SLC5A3: variants seen among roughly 807,000 people sequenced by gnomAD.
SLC5A3 encodes solute carrier family 5 member 3.
SLC5A3 carries 10 observed loss-of-function variants against 43.2 expected under a neutral mutation model. The ratio of observed to expected loss-of-function variants is 0.23; its 90% CI spans 0.14 to 0.39. SLC5A3 has a LOEUF of 0.39. Among genes scored for constraint, SLC5A3 ranks in the 10% least tolerant of loss-of-function variants. The pLI is 1.00. For synonymous variants in SLC5A3, 349 were observed against 322.0 expected, an observed-to-expected ratio of 1.08 and a Z score of -0.90; for missense variants, 608 against 893.4, an observed-to-expected ratio of 0.68 and a Z score of 4.07.
At chr21:34,092,128 A>ATC (rs1556004192) in intron 1 of SLC5A3, among the ~76,000 whole-genome samples, 1 of 130,910 alleles carries the variant, frequency 7.6e-6, no homozygotes, top group Non-Finnish European at 1.7e-5. Context: ...AGAAAAACAT[A>ATC]TATATATATA....
Position 34,102,133 on chromosome 21 carries a change from T to C in SLC5A3, c.*4778T>C, listed in dbSNP as rs190753969. 6 of 1,000,216 alleles carry C rather than the reference T, an allele frequency of 6.0e-6. No homozygotes were observed. The highest frequency in any genetic ancestry group is 7.2e-6 in the Non-Finnish European group (6 of 829,936). 62.0% of individuals were successfully genotyped at this position (1,000,216 alleles called of 1,614,324 possible). A position where few individuals can be genotyped will look rare whatever the true frequency, so the allele number is the denominator to read the frequency against. On this transcript the variant is annotated 3_prime_UTR_variant, in exon 2 of 2. Transcript: ENST00000381151. ...TCTGTCAAGGTCACTTAATATGGAA[T>C]GTTTTTGTCAGACTGTCCTTTGTTG...
intron 1 of SLC5A3, among the ~76,000 whole-genome samples, chr21:34,084,000 A>T (rs1989516361): frequency 6.6e-6 from 1 of 152,144 alleles, no homozygotes; most frequent in Admixed American, 6.5e-5. Context: ...CAAGAGGAAA[A>T]TCCAGCTGCC....
At chr21:34,073,863 AG>A in intron 1 of SLC5A3, 118 bp downstream of exon 1, 1 of 502,332 alleles carries the variant, frequency 2.0e-6, no homozygotes, top group Non-Finnish European at 2.7e-6. Flanking sequence ...TCCTCGGAGG[AG>A]GCCGGGGCGG....
At position 34,097,674 on chromosome 21, in the gene SLC5A3, G is replaced by A. The variant is rs1293619310; in HGVS notation, c.*319G>A. On this transcript the variant is annotated 3_prime_UTR_variant, in exon 2 of 2. Transcript: ENST00000381151. ...TATATGTTAAGTTACCATGAATTAA[G>A]GTATACTGTCTGCACTGCCAAGTCT... 1 of 1,051,432 alleles carries A rather than the reference G, an allele frequency of 9.5e-7. No individual in the cohort carries two copies. Among genetic ancestry groups the A allele is most frequent in the African/African-American group, 1.7e-5 (1 of 58,588 alleles). 65.1% of individuals were successfully genotyped at this position (1,051,432 alleles called of 1,614,324 possible).
intron 1 of SLC5A3, among the ~76,000 whole-genome samples, chr21:34,076,365 C>G (rs928883922): frequency 3.9e-5 from 6 of 152,152 alleles, no homozygotes; most frequent in African/African-American, 1.4e-4. Context: ...TTGGCTGTCA[C>G]AGTATCTGGA....
chr21:34,087,882 C>T (rs1978477315), intron 1 of SLC5A3, among the ~76,000 whole-genome samples: 1 of 152,220 alleles, frequency 6.6e-6, no homozygotes. Context: ...GTATCGCCAA[C>T]AGGCTTTGCT....
In SLC5A3 at chr21:34,100,929, G is replaced by GT. The variant is rs1184439831; in HGVS notation, c.*3576dup. On this transcript the variant is annotated 3_prime_UTR_variant, in exon 2 of 2. Transcript: ENST00000381151. ...GTCTTCCCTGTTCCTGCTTGGCAGT[G>GT]TTAAAGCTTACAGGGTTAACTTATG... is the stretch of plus-strand genomic sequence containing the variant. The GT allele has an allele frequency of 1.0e-6, 1 of 1,000,182 alleles. No individual in the cohort carries two copies. The highest frequency in any genetic ancestry group is 1.2e-6 in the Non-Finnish European group (1 of 829,966). The allele number at this position is 1,000,182 out of a possible 1,614,324, so 62.0% of individuals were successfully genotyped here.
At position 34,097,259 on chromosome 21, in the gene SLC5A3, G is replaced by T; in HGVS notation, c.2061G>T (p.Met687Ile). ...LMEEEAVCLQ[M>I]LEETRQVKVI... ...AAGAGGAGGCTGTTTGTTTACAGAT[G>T]CTAGAAGAGACTCGGCAAGTTAAAG... is the stretch of plus-strand genomic sequence containing the variant. The change falls in exon 2 of 2, where the codon ATG becomes ATT. Residue 687 changes from methionine to isoleucine, a missense_variant. Met to Ile is a conservative substitution (Grantham distance 10, BLOSUM62 1). Around this residue, in one of 2 missense-constraint regions of SLC5A3, gnomAD observed 210 missense variants for 224.8 expected, o/e 0.93. Coordinates refer to ENST00000381151, the MANE Select transcript of SLC5A3 (RefSeq NM_006933.7). 6.2e-7 allele frequency: 1 copy of T among 1,614,010 alleles called. No homozygotes were observed. Among genetic ancestry groups the T allele is most frequent in the South Asian group, 1.1e-5 (1 of 91,078 alleles).
At chr21:34,081,460 A>AT (rs909187714) in intron 1 of SLC5A3, among the ~76,000 whole-genome samples, 1 of 152,146 alleles carries the variant, frequency 6.6e-6, no homozygotes, top group Non-Finnish European at 1.5e-5. Flanking sequence ...AAAAATGCTG[A>AT]TTTTTTTGTT....
chr21:34,090,758 G>A (rs1978643565), intron 1 of SLC5A3, among the ~76,000 whole-genome samples: 2 of 152,286 alleles, frequency 1.3e-5, no homozygotes, highest in African/African-American at 4.8e-5. Context: ...CATTTTAAAA[G>A]CCAGACAGTT....
At chr21:34,083,051 A>G (rs1989495107) in intron 1 of SLC5A3, among the ~76,000 whole-genome samples, 3 of 152,228 alleles carry the variant, frequency 2.0e-5, no homozygotes, top group African/African-American at 4.8e-5. Context: ...CTGCCCCAGA[A>G]TCGAGAATTC....
chr21:34,089,481 T>G (rs1978569832), intron 1 of SLC5A3, among the ~76,000 whole-genome samples: 1 of 152,040 alleles, frequency 6.6e-6, no homozygotes. Flanking sequence ...TCTCTGAGAT[T>G]TCTATAAAAA....
chr21:34,105,383 C>T lies in SLC5A3; in HGVS notation c.*8028C>T. The T allele has an allele frequency of 1.0e-6, 1 of 998,954 alleles. No homozygotes were observed. Among genetic ancestry groups the T allele is most frequent in the East Asian group, 1.1e-4 (1 of 8,814 alleles). 61.9% of individuals were successfully genotyped at this position (998,954 alleles called of 1,614,324 possible). On this transcript the variant is annotated 3_prime_UTR_variant, in exon 2 of 2. Coordinates refer to ENST00000381151, the MANE Select transcript of SLC5A3 (RefSeq NM_006933.7). ...TAGTAGTCTTCTTCAAGAAGAAAAC[C>T]AATTCTTTTTCTAATAATATCCTGT...
rs1978958405 is a variant in SLC5A3, at chr21:34,096,231, G to T, written c.1033G>T (p.Gly345Cys). Residue 345 changes from glycine (G) to cysteine (C), a missense_variant, in exon 2 of 2, where the codon GGT (glycine) becomes TGT (cysteine). Physicochemically the swap from Gly to Cys is radical, Grantham distance 159. Around this residue, in one of 2 missense-constraint regions of SLC5A3, gnomAD observed 398 missense variants for 668.6 expected, o/e 0.60. Transcript: ENST00000381151. This position sits in a 1 kb window ranked among gnomAD's most constrained non-coding sequence, Gnocchi z 5.9. Reference sequence around the variant, plus strand: ...CATGCTGGTGTGTGGAAGCAGAGCTGGTTGCTCCAATATTGCTTACCCACG... The same window carrying T: ...CATGCTGGTGTGTGGAAGCAGAGCTTGTTGCTCCAATATTGCTTACCCACG... Reference protein sequence around the residue: ...HCMLVCGSRAGCSNIAYPRLV... With the variant: ...HCMLVCGSRACCSNIAYPRLV... 1 of 1,614,018 alleles carries T rather than the reference G, an allele frequency of 6.2e-7. No individual in the cohort carries two copies. The highest frequency in any genetic ancestry group is 1.7e-5 in the Admixed American group (1 of 59,990).
chr21:34,079,638 G>C (rs1989416266), intron 1 of SLC5A3, among the ~76,000 whole-genome samples: 1 of 115,812 alleles, frequency 8.6e-6, no homozygotes, highest in Admixed American at 9.0e-5. Flanking sequence ...TTTTTTAGTA[G>C]AGATGGGGTT....
chr21:34,084,749 CT>C (rs1481981949), intron 1 of SLC5A3, among the ~76,000 whole-genome samples: 1 of 152,132 alleles, frequency 6.6e-6, no homozygotes, highest in East Asian at 1.9e-4. Flanking sequence ...TATCACTCAG[CT>C]TCAACTGTTA....
chr21:34,095,723 C>T lies in SLC5A3; in HGVS notation c.525C>T (p.Thr175=), dbSNP rs367913360. 2.3e-5 allele frequency: 35 copies of T among 1,535,224 alleles called. No individual in the cohort carries two copies. The highest frequency in any genetic ancestry group is 2.2e-4 in the East Asian group (9 of 40,842). ...LIGMTALLTV[T]GGLVAVIYTD... Reference sequence around the variant, plus strand: ...GCATGACTGCTTTGCTGACTGTCACCGGAGGCCTTGTTGCAGTGATCTACA... The same window carrying T: ...GCATGACTGCTTTGCTGACTGTCACTGGAGGCCTTGTTGCAGTGATCTACA... Residue 175 remains threonine (T), a synonymous_variant, in exon 2 of 2, where the codon ACC becomes ACT. Coordinates refer to ENST00000381151, the MANE Select transcript of SLC5A3 (RefSeq NM_006933.7).
In SLC5A3 at chr21:34,074,741, G is replaced by T. The variant is rs531410729; in HGVS notation, c.-337+996G>T. ...ACCACGTCCGAACTTTGTAAGCACAGCTTCCTACAGCGCTAGAGGAGTGGA... is the reference window on the plus strand; with the variant it reads ...ACCACGTCCGAACTTTGTAAGCACATCTTCCTACAGCGCTAGAGGAGTGGA... On this transcript the variant is annotated intron_variant, in intron 1 of 1. Transcript: ENST00000381151. 3.0e-4 allele frequency among the ~76,000 whole-genome samples: 46 copies of T among 152,366 alleles called. No homozygotes were observed. The South Asian group carries it at 9.3e-3, about 31-fold the overall frequency.
chr21:34,082,851 G>C (rs1569413066), intron 1 of SLC5A3, among the ~76,000 whole-genome samples: 1 of 151,964 alleles, frequency 6.6e-6, no homozygotes, highest in East Asian at 1.9e-4. Context: ...GACTTGTTTT[G>C]CTTCCCCTTG....
Sources: allele counts gnomAD v4.1 joint callset (sites outside exome capture counted in the v4.1 genomes callset), GRCh38; gene constraint gnomAD v4.1.1; regional missense constraint gnomAD v4.1.1; non-coding constraint Gnocchi (gnomAD v3.1); transcripts MANE v1.5; gene names NCBI Gene and HGNC (gene_info 2026-07-23, HGNC 2026-07-21).